Variants in POU1F1 observed in about 807,000 individuals in gnomAD.
The protein encoded by POU1F1 is POU class 1 homeobox 1.
In POU1F1, 23 loss-of-function variants were observed where a neutral mutation model predicts 32.3. That is an observed-to-expected ratio of 0.71 (90% CI 0.51 to 1.01). The LOEUF is 1.01. Ranked by LOEUF, POU1F1 falls within the 50% of genes least tolerant of loss-of-function variation. POU1F1 has a pLI of 0.00. For missense variants in POU1F1, 323 were observed against 341.6 expected, an observed-to-expected ratio of 0.95 and a Z score of 0.43; for synonymous variants, 120 against 115.6, an observed-to-expected ratio of 1.04 and a Z score of -0.25.
chr3:87,264,557 T>G (rs1254860260), intron 2 of POU1F1, 45 bp from the exon 3 acceptor site: 2 of 1,432,506 alleles, frequency 1.4e-6, no homozygotes, highest in Non-Finnish European at 2.0e-6. Context: ...CATTTGTCAT[T>G]CTCCTTATTT....
chr3:87,263,264 T>A (rs1485791657), intron 3 of POU1F1, among the ~76,000 whole-genome samples: 1 of 152,128 alleles, frequency 6.6e-6, no homozygotes, highest in Non-Finnish European at 1.5e-5. Flanking sequence ...AATAATATAC[T>A]TTACACTCAT....
chr3:87,270,756 A>C (rs1171987114), intron 2 of POU1F1, among the ~76,000 whole-genome samples: 1 of 152,030 alleles, frequency 6.6e-6, no homozygotes, highest in Non-Finnish European at 1.5e-5. Flanking sequence ...TGTGTACTTT[A>C]TACATTTGTC....
intron 3 of POU1F1, among the ~76,000 whole-genome samples, chr3:87,263,182 G>A (rs181367557): frequency 7.2e-5 from 11 of 152,042 alleles, no homozygotes; most frequent in Admixed American, 3.9e-4. Flanking sequence ...AAACACTTCA[G>A]TAGAAAATGA....
At chr3:87,265,376 A>G (rs1212700341) in intron 2 of POU1F1, among the ~76,000 whole-genome samples, 3 of 152,100 alleles carry the variant, frequency 2.0e-5, no homozygotes, top group Admixed American at 2.0e-4. Flanking sequence ...CAAAAAATGT[A>G]AAAAGGTCTG....
intron 2 of POU1F1, 46 bp from the exon 3 acceptor site, chr3:87,264,558 C>A (rs1706581464): frequency 7.0e-7 from 1 of 1,420,208 alleles, no homozygotes; most frequent in South Asian, 1.2e-5. Context: ...ATTTGTCATT[C>A]TCCTTATTTC....
chr3:87,261,691 TG>T (rs1014527273), intron 4 of POU1F1, among the ~76,000 whole-genome samples: 4 of 152,190 alleles, frequency 2.6e-5, no homozygotes, highest in Admixed American at 2.6e-4. Context: ...ATTATTTTCT[TG>T]GAAGACTGGT....
Position 87,261,195 on chromosome 3 carries a change from C to G in POU1F1, c.665+78G>C, listed in dbSNP as rs1706508335. On this transcript the variant is annotated intron_variant, in intron 5 of 5. Coordinates refer to ENST00000350375, the MANE Select transcript of POU1F1 (RefSeq NM_000306.4). ...CCTTACATTTATATGTTATGTTACA[C>G]CTGCATTACACTCAAATGCTCATTC... The G allele has an allele frequency of 2.6e-5, 28 of 1,064,308 alleles. No individual in the cohort carries two copies. In the South Asian group the frequency reaches 3.5e-4, roughly 13 times the overall value. 65.9% of individuals were successfully genotyped at this position (1,064,308 alleles called of 1,614,324 possible). A position where few individuals can be genotyped will look rare whatever the true frequency, so the allele number is the denominator to read the frequency against.
At chr3:87,275,344 C>A (rs185361217) in intron 1 of POU1F1, among the ~76,000 whole-genome samples, 15 of 151,944 alleles carry the variant, frequency 9.9e-5, no homozygotes, top group Non-Finnish European at 2.2e-4. Flanking sequence ...GCCAAACTTA[C>A]GCATGTATTT....
At chr3:87,268,500 A>G (rs1009178258) in intron 2 of POU1F1, among the ~76,000 whole-genome samples, 1 of 152,150 alleles carries the variant, frequency 6.6e-6, no homozygotes, top group East Asian at 1.9e-4. Context: ...CATCACAACA[A>G]TTTAAAAGAA....
In POU1F1 at chr3:87,273,221, T is replaced by G. The variant is rs184395984; in HGVS notation, c.214+126A>C. On this transcript the variant is annotated intron_variant, in intron 2 of 5. Transcript: ENST00000350375. ...GCAGGAAACAAGAAGTGGTGATTTTTAACAGTAATTTTCAAAGTTAAGAAA... is the reference window on the plus strand; with the variant it reads ...GCAGGAAACAAGAAGTGGTGATTTTGAACAGTAATTTTCAAAGTTAAGAAA... 66 of 1,053,726 alleles carry G rather than the reference T, an allele frequency of 6.3e-5. No homozygotes were observed. The African/African-American group carries it at 9.5e-4, about 15-fold the overall frequency. The allele number at this position is 1,053,726 out of a possible 1,614,324, so 65.3% of individuals were successfully genotyped here.
chr3:87,276,581 C>T lies in POU1F1; in HGVS notation c.-119G>A, dbSNP rs1706833225. ...TACCTGCATATATACATCAGGAAGG[C>T]TCTGAGGCACCAGGAGGGTGCGCGC... On this transcript the variant is annotated 5_prime_UTR_variant, in exon 1 of 6. Coordinates refer to ENST00000350375, the MANE Select transcript of POU1F1 (RefSeq NM_000306.4). 1 of 1,201,786 alleles carries T rather than the reference C, an allele frequency of 8.3e-7. No individual in the cohort carries two copies. Among genetic ancestry groups the T allele is most frequent in the South Asian group, 1.3e-5 (1 of 76,456 alleles). 74.4% of individuals were successfully genotyped at this position (1,201,786 alleles called of 1,614,324 possible). A position where few individuals can be genotyped will look rare whatever the true frequency, so the allele number is the denominator to read the frequency against.
chr3:87,268,894 T>TGGG (rs1371677049), intron 2 of POU1F1, among the ~76,000 whole-genome samples: 1 of 152,120 alleles, frequency 6.6e-6, no homozygotes, highest in Non-Finnish European at 1.5e-5. Context: ...AAGCAGGCAA[T>TGGG]GGGGGTCAGA....
intron 2 of POU1F1, among the ~76,000 whole-genome samples, chr3:87,271,727 T>C (rs1474490878): frequency 1.3e-5 from 2 of 152,140 alleles, no homozygotes; most frequent in African/African-American, 4.8e-5. Context: ...TCATTAACCA[T>C]GAATACTAAT....
At position 87,275,305 on chromosome 3, in the gene POU1F1, G is replaced by A. The variant is rs181506941; in HGVS notation, c.142+1016C>T. The stretch of plus-strand genomic sequence containing the variant: ...CCAAAGTCTAAATATCTGACCTCTA[G>A]ATTCTTTAAAATCCACCAGAAGATT... On this transcript the variant is annotated intron_variant, in intron 1 of 5. Transcript: ENST00000350375. Among the ~76,000 whole-genome samples, 1,356 of 152,008 alleles carry A rather than the reference G, an allele frequency of 8.9e-3. 5 individuals are homozygous for A. Among genetic ancestry groups the A allele is most frequent in the Non-Finnish European group, 0.013 (891 of 67,868 alleles).
Position 87,264,203 on chromosome 3 carries a change from C to T in POU1F1, c.439+85G>A, listed in dbSNP as rs4988462. On this transcript the variant is annotated intron_variant, in intron 3 of 5. Transcript: ENST00000350375. ...GATGAAGAATGAGAATCATCTTGTA[C>T]TTTTTAGCAATATATAAGAGATTTA... 414,634 of 1,091,456 alleles carry T rather than the reference C, an allele frequency of 0.38. 83,997 individuals are homozygous for T. Among genetic ancestry groups the T allele is most frequent in the Non-Finnish European group, 0.43 (308,411 of 716,472 alleles). 67.6% of individuals were successfully genotyped at this position (1,091,456 alleles called of 1,614,324 possible). A position where few individuals can be genotyped will look rare whatever the true frequency, so the allele number is the denominator to read the frequency against.
intron 3 of POU1F1, among the ~76,000 whole-genome samples, chr3:87,263,963 T>C (rs965983133): frequency 6.6e-6 from 1 of 152,006 alleles, no homozygotes; most frequent in African/African-American, 2.4e-5. Flanking sequence ...ACATGTCACT[T>C]ATACTCTTTT....
At chr3:87,267,277 T>C (rs1051517927) in intron 2 of POU1F1, among the ~76,000 whole-genome samples, 1 of 152,180 alleles carries the variant, frequency 6.6e-6, no homozygotes, top group Non-Finnish European at 1.5e-5. Context: ...GAAAGATATA[T>C]ATTTTTCCCC....
At chr3:87,263,391 TGTTATA>T (rs1290543799) in intron 3 of POU1F1, among the ~76,000 whole-genome samples, 1 of 152,120 alleles carries the variant, frequency 6.6e-6, no homozygotes, top group Non-Finnish European at 1.5e-5. Flanking sequence ...ATTTATTTTG[TGTTATA>T]GTTATACTCT....
At chr3:87,273,725 C>A (rs763982306) in intron 1 of POU1F1, among the ~76,000 whole-genome samples, 2 of 152,096 alleles carry the variant, frequency 1.3e-5, no homozygotes, top group African/African-American at 2.4e-5. Context: ...GCTACGAGTG[C>A]CCCGTGAAGG....
Sources: gnomAD v4.1 joint callset for allele counts (sites outside exome capture counted in the v4.1 genomes callset) on GRCh38, gnomAD v4.1.1 for gene constraint, MANE v1.5 for transcripts, NCBI Gene and HGNC (gene_info 2026-07-23, HGNC 2026-07-21) for gene names.